Variants in DDX19B observed in about 807,000 individuals in gnomAD.
DDX19B encodes DEAD-box helicase 19B, also known as ATP-dependent RNA helicase DDX19B.
A neutral mutation model predicts 58.1 loss-of-function variants in DDX19B; 27 were observed. The observed-to-expected ratio is 0.46, with a 90% CI of 0.34 to 0.64. DDX19B has a LOEUF of 0.64. DDX19B is among the 30% of genes least tolerant of loss of function. The pLI, the probability that DDX19B is intolerant of heterozygous loss-of-function variation, is 0.01. For synonymous variants in DDX19B, 187 were observed against 214.4 expected, an observed-to-expected ratio of 0.87 and a Z score of 1.12; for missense variants, 399 against 596.5, an observed-to-expected ratio of 0.67 and a Z score of 3.45.
At chr16:70,292,785 C>T (rs1223702324), upstream of DDX19B, among the ~76,000 whole-genome samples, 2 of 152,048 alleles carry the variant, frequency 1.3e-5, no homozygotes, top group Admixed American at 6.6e-5. Flanking sequence ...CTGTGATTGC[C>T]CCACTACCCT....
At chr16:70,313,361 G>T (rs1962186515) in intron 2 of DDX19B, among the ~76,000 whole-genome samples, 1 of 151,744 alleles carries the variant, frequency 6.6e-6, no homozygotes, top group Non-Finnish European at 1.5e-5. Flanking sequence ...GTGTTGCCCA[G>T]GTTGGTTTCT....
chr16:70,299,750 A>G (rs1961384866), intron 1 of DDX19B, among the ~76,000 whole-genome samples: 1 of 152,028 alleles, frequency 6.6e-6, no homozygotes, highest in Non-Finnish European at 1.5e-5. Context: ...TTACAGGCTG[A>G]GCCATTGTTC....
chr16:70,325,784 A>T, intron 7 of DDX19B, 96 bp downstream of exon 7: 2 of 897,102 alleles, frequency 2.2e-6, no homozygotes, highest in South Asian at 2.8e-5. Context: ...TACAATAAAC[A>T]CATGTATGTT....
rs1382259149 is a variant in DDX19B at position 70,334,005 on chromosome 16, G to A, written c.*423G>A. 5 of 240,822 alleles carry A rather than the reference G, an allele frequency of 2.1e-5. No homozygotes were observed. The highest frequency in any genetic ancestry group is 1.1e-4 in the African/African-American group (5 of 43,560). 14.9% of individuals were successfully genotyped at this position (240,822 alleles called of 1,614,324 possible). A position where few individuals can be genotyped will look rare whatever the true frequency, so the allele number is the denominator to read the frequency against. ...GTGGTGGAAAGGGAACACAGAGAGG[G>A]AGGCTTCCAGTAAGATAGGTGTGTA... is the stretch of plus-strand genomic sequence containing the variant. On this transcript the variant is annotated 3_prime_UTR_variant, in exon 12 of 12. Transcript: ENST00000288071.
chr16:70,292,835 G>C (rs1432085698), upstream of DDX19B, among the ~76,000 whole-genome samples: 1 of 151,740 alleles, frequency 6.6e-6, no homozygotes, highest in East Asian at 1.9e-4. Context: ...GCCAGGCACA[G>C]TGGCTCATGC....
intron 9 of DDX19B, among the ~76,000 whole-genome samples, chr16:70,331,066 T>A (rs964577670): frequency 6.6e-6 from 1 of 152,152 alleles, no homozygotes; most frequent in African/African-American, 2.4e-5. Context: ...AATAAAATTT[T>A]AAAATATATA....
chr16:70,322,713 G>A (rs936952577), intron 5 of DDX19B, among the ~76,000 whole-genome samples: 1 of 151,676 alleles, frequency 6.6e-6, no homozygotes, highest in African/African-American at 2.4e-5. Flanking sequence ...CCAACATGGT[G>A]AAACCCCATC....
At chr16:70,293,597 A>ATTTTTTTTTTTTTTTTTTTTTTTTT (rs71151182), upstream of DDX19B, among the ~76,000 whole-genome samples, 23 of 77,018 alleles carry the variant, frequency 3.0e-4, 3 homozygotes, top group African/African-American at 1.1e-3. Flanking sequence ...GGATGGCTGA[A>ATTTTTTTTTTTTTTTTTTTTTTTTT]TTTTTTTTTT....
intron 9 of DDX19B, 140 bp downstream of exon 9, chr16:70,330,208 A>T: frequency 1.1e-6 from 1 of 935,434 alleles, no homozygotes; most frequent in Non-Finnish European, 1.6e-6. Context: ...GAGTCGTAAG[A>T]GGGAGACTTT....
intron 1 of DDX19B, among the ~76,000 whole-genome samples, chr16:70,310,812 C>A (rs1006787108): frequency 6.6e-6 from 1 of 151,838 alleles, no homozygotes; most frequent in Non-Finnish European, 1.5e-5. Context: ...AGGGAGATCA[C>A]GAGGTCAGGA....
At chr16:70,314,412 C>T (rs868247858) in intron 2 of DDX19B, among the ~76,000 whole-genome samples, 26 of 152,220 alleles carry the variant, frequency 1.7e-4, no homozygotes, top group Middle Eastern at 3.4e-3. Flanking sequence ...CCTGTAATCC[C>T]AGCACTTTGG....
upstream of DDX19B, among the ~76,000 whole-genome samples, chr16:70,297,012 T>A (rs550986835): frequency 2.6e-5 from 4 of 151,910 alleles, no homozygotes; most frequent in Admixed American, 6.6e-5. Context: ...ACCTCCCGGG[T>A]TCAAGCGATT....
chr16:70,291,124 C>G (rs748434560), upstream of DDX19B, among the ~76,000 whole-genome samples: 5 of 152,268 alleles, frequency 3.3e-5, no homozygotes, highest in Admixed American at 1.3e-4. Flanking sequence ...AATCATCAAA[C>G]CTACCATTTA....
upstream of DDX19B, chr16:70,290,081 G>T (rs900491035): frequency 3.5e-6 from 1 of 286,066 alleles, no homozygotes; most frequent in African/African-American, 2.2e-5. Flanking sequence ...AGGCCTGGGG[G>T]AGGAGGGTGA....
intron 1 of DDX19B, among the ~76,000 whole-genome samples, chr16:70,306,600 TC>T (rs1435783695): frequency 4.6e-5 from 7 of 152,196 alleles, no homozygotes; most frequent in Non-Finnish European, 1.0e-4. Flanking sequence ...TAATAATGAA[TC>T]CAGTGATAAT....
chr16:70,328,193 G>A (rs1049718634), intron 7 of DDX19B, among the ~76,000 whole-genome samples: 1 of 151,764 alleles, frequency 6.6e-6, no homozygotes, highest in Non-Finnish European at 1.5e-5. Context: ...GAGTTTTATG[G>A]ATCTCTGAAA....
upstream of DDX19B, among the ~76,000 whole-genome samples, chr16:70,296,015 T>C (rs549161020): frequency 6.6e-6 from 1 of 151,358 alleles, no homozygotes; most frequent in Non-Finnish European, 1.5e-5. Context: ...ATTTTTTTTT[T>C]TTTTTTTGAG....
intron 10 of DDX19B, 60 bp downstream of exon 10, chr16:70,331,944 G>A: frequency 6.3e-7 from 1 of 1,592,880 alleles, no homozygotes. Flanking sequence ...CCCAGTTAGA[G>A]CCAGAAATCC....
chr16:70,317,774 CAAAA>C, intron 5 of DDX19B, 186 bp downstream of exon 5: 1 of 291,758 alleles, frequency 3.4e-6, no homozygotes, highest in Admixed American at 5.2e-5. Flanking sequence ...CCTGTCTCAA[CAAAA>C]AAAAAAACGT....
Sources: gnomAD v4.1 joint callset for allele counts (sites outside exome capture counted in the v4.1 genomes callset) on GRCh38, gnomAD v4.1.1 for gene constraint, MANE v1.5 for transcripts, NCBI Gene and HGNC (gene_info 2026-07-23, HGNC 2026-07-21) for gene names.